The following PTBP1 variants were observed in gnomAD, a reference collection of about 807,000 sequenced individuals.
The protein encoded by PTBP1 is polypyrimidine tract binding protein 1.
PTBP1 carries 8 observed loss-of-function variants against 59.8 expected under a neutral mutation model. The observed-to-expected ratio is 0.13, with a 90% CI of 0.08 to 0.24. The LOEUF is 0.24. Among genes scored for constraint, PTBP1 ranks in the 10% least tolerant of loss-of-function variants. PTBP1 has a pLI of 1.00. For missense variants in PTBP1, 686 were observed against 767.0 expected, an observed-to-expected ratio of 0.89 and a Z score of 1.25; for synonymous variants, 490 against 320.7, an observed-to-expected ratio of 1.53 and a Z score of -5.64.
intron 9 of PTBP1, chr19:805,946 A>T (rs1335047723): frequency 6.8e-6 from 2 of 295,396 alleles, no homozygotes; most frequent in African/African-American, 4.5e-5. Context: ...CGGCGGCGGG[A>T]CGTGTGTGCG....
chr19:804,236 C>G (rs2034459805), intron 4 of PTBP1, 28 bp downstream of exon 4: 1 of 1,609,502 alleles, frequency 6.2e-7, no homozygotes, highest in Admixed American at 1.7e-5. Context: ...CTCCGGGGTG[C>G]TCACACCGTG....
Position 808,593 on chromosome 19 carries a change from A to C in PTBP1, c.1294A>C (p.Ile432Leu), listed in dbSNP as rs529850075. The change falls in exon 13 of 15, where the codon ATC becomes CTC. Residue 432 changes from isoleucine to leucine, a missense_variant. By Grantham distance (5) the Ile-to-Leu change is conservative. Coordinates refer to ENST00000356948, the MANE Select transcript of PTBP1 (RefSeq NM_002819.5). The surrounding 1 kb of genome is among the most constrained non-coding windows in gnomAD (Gnocchi z 4.7). ...CAAGCTGCACGGGAAGCCCATCCGC[A>C]TCACGCTCTCGAAGCACCAGAACGT... ...GHKLHGKPIR[I>L]TLSKHQNVQL... 1.9e-6 allele frequency: 3 copies of C among 1,607,700 alleles called. No individual in the cohort carries two copies. In the East Asian group the frequency reaches 6.7e-5, roughly 36 times the overall value.
rs2034817874 is a variant in PTBP1 at position 810,615 on chromosome 19, C to T, written c.1536C>T (p.Phe512=). ...GGGGCGTCGTCAAAGGATTCAAGTTCTTCCAGTGAGTATGAGGCGGGCTGT... is the reference window on the plus strand; with the variant it reads ...GGGGCGTCGTCAAAGGATTCAAGTTTTTCCAGTGAGTATGAGGCGGGCTGT... The part of the protein sequence containing the change: ...SNGGVVKGFK[F]FQKDRKMALI... Residue 512 remains phenylalanine (F), a synonymous_variant, in exon 14 of 15, where the codon TTC becomes TTT. Coordinates refer to ENST00000356948, the MANE Select transcript of PTBP1 (RefSeq NM_002819.5). 1 of 1,613,684 alleles carries T rather than the reference C, an allele frequency of 6.2e-7. No homozygotes were observed. The highest frequency in any genetic ancestry group is 1.7e-5 in the Admixed American group (1 of 59,898).
rs1456302199 is a variant in PTBP1 at position 806,443 on chromosome 19, C to A, written c.1006C>A (p.Pro336Thr). ...TCCGAACGTCCACGGCGCCCTGGCC[C>A]CCCTGGCCATCCCCTCGGCGGCGGC... ...SVPNVHGALAPLAIPSAAAAA... is the reference protein window; with the variant it reads ...SVPNVHGALATLAIPSAAAAA... The change falls in exon 10 of 15, where the codon CCC (proline) becomes ACC (threonine). Residue 336 changes from proline to threonine, a missense_variant. Transcript: ENST00000356948. 1 of 1,602,014 alleles carries A rather than the reference C, an allele frequency of 6.2e-7. No homozygotes were observed. The highest frequency in any genetic ancestry group is 1.1e-5 in the South Asian group (1 of 90,536).
rs762216708 is a variant in PTBP1, at chr19:806,434, G to A, written c.997G>A (p.Ala333Thr). 5.6e-6 allele frequency: 9 copies of A among 1,601,664 alleles called. No homozygotes were observed. Among genetic ancestry groups the A allele is most frequent in the African/African-American group, 4.1e-5 (3 of 73,314 alleles). Residue 333 changes from alanine (A) to threonine (T), a missense_variant, in exon 10 of 15, where the codon GCC (alanine) becomes ACC (threonine). By Grantham distance (58) the Ala-to-Thr change is moderately conservative. Transcript: ENST00000356948. ...AGLSVPNVHGALAPLAIPSAA... is the reference protein window; with the variant it reads ...AGLSVPNVHGTLAPLAIPSAA... ...CCTTTCCGTTCCGAACGTCCACGGC[G>A]CCCTGGCCCCCCTGGCCATCCCCTC...
intron 10 of PTBP1, chr19:807,576 T>C (rs1222695565): frequency 4.6e-6 from 2 of 435,384 alleles, no homozygotes; most frequent in Non-Finnish European, 8.1e-6. Flanking sequence ...CTATTTTTTT[T>C]CTTGCCCTGA....
rs1352250827 is a variant in PTBP1 at position 797,473 on chromosome 19, C to T, written c.-25C>T. The T allele has an allele frequency of 2.5e-6, 4 of 1,596,414 alleles. No individual in the cohort carries two copies. Among genetic ancestry groups the T allele is most frequent in the South Asian group, 2.2e-5 (2 of 89,862 alleles). Reference sequence around the variant, plus strand: ...TGCTATTCCGGCGCCTCCACTCCGTCCCCCGCGGGTCTGCTCTGTGTGCCA... The same window carrying T: ...TGCTATTCCGGCGCCTCCACTCCGTTCCCCGCGGGTCTGCTCTGTGTGCCA... On this transcript the variant is annotated 5_prime_UTR_variant, in exon 1 of 15. Coordinates refer to ENST00000356948, the MANE Select transcript of PTBP1 (RefSeq NM_002819.5).
intron 1 of PTBP1, 57 bp downstream of exon 1, chr19:797,562 C>A: frequency 7.9e-7 from 1 of 1,271,462 alleles, no homozygotes; most frequent in South Asian, 1.9e-5. Flanking sequence ...GCCCTGCCCC[C>A]GCCGCCGCGC....
chr19:806,094 G>T, intron 9 of PTBP1: 1 of 312,988 alleles, frequency 3.2e-6, no homozygotes, highest in South Asian at 7.4e-5. Flanking sequence ...GTCCCGGGAC[G>T]GGCCCTGCTT....
intron 1 of PTBP1, among the ~76,000 whole-genome samples, chr19:798,707 G>T (rs982312284): frequency 1.3e-5 from 2 of 152,232 alleles, no homozygotes; most frequent in Non-Finnish European, 2.9e-5. Flanking sequence ...AGTTGCAGTG[G>T]CCGGGAGAAG....
At chr19:806,229 G>A (rs2034565473) in intron 9 of PTBP1, 179 bp from the exon 10 acceptor site, 1 of 592,296 alleles carries the variant, frequency 1.7e-6, no homozygotes, top group Non-Finnish European at 2.7e-6. Context: ...TGGTGCAGGA[G>A]CCGGCGGGTG....
In PTBP1 at chr19:806,418, T is replaced by G. The variant is rs777349596; in HGVS notation, c.981T>G (p.Val327=). ...CTCCTGCTTTTCCAGGCCTTTCCGT[T>G]CCGAACGTCCACGGCGCCCTGGCCC... ...FAIPQAAGLS[V]PNVHGALAPL... The change falls in exon 10 of 15, where the codon GTT becomes GTG. Residue 327 remains valine, a synonymous_variant. Coordinates refer to ENST00000356948, the MANE Select transcript of PTBP1 (RefSeq NM_002819.5). 3.7e-6 allele frequency: 6 copies of G among 1,602,914 alleles called. No homozygotes were observed. The Admixed American group carries it at 1.0e-4, about 27-fold the overall frequency.
chr19:809,031 C>T (rs777099364), intron 13 of PTBP1, among the ~76,000 whole-genome samples: 1 of 152,018 alleles, frequency 6.6e-6, no homozygotes, highest in Non-Finnish European at 1.5e-5. Flanking sequence ...TTTTTTGAGG[C>T]GAAGTCTTGC....
rs935715070 is a variant in PTBP1 at position 811,000 on chromosome 19, C to T, written c.*174C>T. On this transcript the variant is annotated 3_prime_UTR_variant, in exon 15 of 15. Coordinates refer to ENST00000356948, the MANE Select transcript of PTBP1 (RefSeq NM_002819.5). ...AATCTAGTTCACCTTGCTCACCCTGCGGTGACAGGGACAGCTCAGGCTCTT... is the reference window on the plus strand; with the variant it reads ...AATCTAGTTCACCTTGCTCACCCTGTGGTGACAGGGACAGCTCAGGCTCTT... The T allele has an allele frequency of 2.4e-5, 16 of 659,964 alleles. No homozygotes were observed. Among genetic ancestry groups the T allele is most frequent in the Admixed American group, 8.1e-5 (2 of 24,588 alleles). 40.9% of individuals were successfully genotyped at this position (659,964 alleles called of 1,614,324 possible). A position where few individuals can be genotyped will look rare whatever the true frequency, so the allele number is the denominator to read the frequency against.
chr19:797,996 G>T (rs1249645552), intron 1 of PTBP1, among the ~76,000 whole-genome samples: 1 of 150,394 alleles, frequency 6.6e-6, no homozygotes, highest in Non-Finnish European at 1.5e-5. Context: ...TCTGCCCCCG[G>T]CGCAGCCCCG....
chr19:802,068 T>C (rs1157397173), intron 2 of PTBP1, among the ~76,000 whole-genome samples: 1 of 152,206 alleles, frequency 6.6e-6, no homozygotes, highest in East Asian at 1.9e-4. Flanking sequence ...GTTCCGGCCC[T>C]TGTGGCTGCT....
rs79621665 is a variant in PTBP1 at position 798,863 on chromosome 19, G to A, written c.9-550G>A. 6.2e-3 allele frequency among the ~76,000 whole-genome samples: 946 copies of A among 152,370 alleles called. 14 individuals are homozygous for A. The highest frequency in any genetic ancestry group is 0.022 in the African/African-American group (906 of 41,588). On this transcript the variant is annotated intron_variant, in intron 1 of 14. Coordinates refer to ENST00000356948, the MANE Select transcript of PTBP1 (RefSeq NM_002819.5). ...GGGGCTCGGGTTGATCAGTAACTGA[G>A]GCTGTGTTCTGGTCGGTCTGTTAAT... is the stretch of plus-strand genomic sequence containing the variant.
At chr19:810,180 G>A (rs749954667) in intron 13 of PTBP1, among the ~76,000 whole-genome samples, 3 of 152,190 alleles carry the variant, frequency 2.0e-5, no homozygotes, top group Non-Finnish European at 2.9e-5. Flanking sequence ...GGTGTTGCGT[G>A]CCTGTAATCC....
intron 1 of PTBP1, among the ~76,000 whole-genome samples, chr19:798,786 T>C (rs1432439681): frequency 6.6e-6 from 1 of 152,372 alleles, no homozygotes; most frequent in African/African-American, 2.4e-5. Context: ...CAGTCCGGCT[T>C]TCTATCCACC....
Sources: gnomAD v4.1 joint callset for allele counts (sites outside exome capture counted in the v4.1 genomes callset) on GRCh38, gnomAD v4.1.1 for gene constraint, Gnocchi (gnomAD v3.1) non-coding constraint, MANE v1.5 for transcripts, NCBI Gene and HGNC (gene_info 2026-07-23, HGNC 2026-07-21) for gene names.